Variants in MMP16 observed in about 807,000 individuals in gnomAD.
MMP16 encodes matrix metallopeptidase 16.
Under a neutral mutation model 67.8 loss-of-function variants are expected in MMP16, and 12 were observed. That is an observed-to-expected ratio of 0.18 (90% confidence interval 0.11 to 0.29). The LOEUF is 0.29. MMP16 is among the 10% of genes least tolerant of loss of function. The pLI, the probability that MMP16 is intolerant of heterozygous loss-of-function variation, is 1.00. For synonymous variants in MMP16, 249 were observed against 255.9 expected (o/e 0.97, Z 0.26); for missense variants, 475 against 765.7 (o/e 0.62, Z 4.48).
intron 4 of MMP16, among the ~76,000 whole-genome samples, chr8:88,146,877 T>C (rs1489278072): frequency 6.6e-6 from 1 of 151,968 alleles, no homozygotes; most frequent in Admixed American, 6.6e-5. Flanking sequence ...GTTTGAACAA[T>C]TTATACTCCA....
At chr8:88,154,757 A>T (rs1244398120) in intron 4 of MMP16, among the ~76,000 whole-genome samples, 2 of 149,008 alleles carry the variant, frequency 1.3e-5, no homozygotes, top group African/African-American at 5.0e-5. Flanking sequence ...TGGGAGATAT[A>T]CCTAAGGCTA....
intron 1 of MMP16, among the ~76,000 whole-genome samples, chr8:88,215,909 A>G (rs1809585156): frequency 6.6e-6 from 1 of 152,218 alleles, no homozygotes; most frequent in Admixed American, 6.5e-5. Flanking sequence ...AAGCAGCAGT[A>G]TAGGATCATC....
At chr8:88,149,063 C>G (rs955001199) in intron 4 of MMP16, among the ~76,000 whole-genome samples, 2 of 152,198 alleles carry the variant, frequency 1.3e-5, no homozygotes, top group African/African-American at 4.8e-5. Flanking sequence ...CGCAAGGGGT[C>G]AGGGAGTTCC....
At chr8:88,129,473 A>G (rs1223932410) in intron 4 of MMP16, among the ~76,000 whole-genome samples, 1 of 151,710 alleles carries the variant, frequency 6.6e-6, no homozygotes, top group African/African-American at 2.4e-5. Flanking sequence ...CAGCAAGTAT[A>G]GTAAAGAAGT....
At chr8:88,166,811 G>T (rs1263786557) in intron 4 of MMP16, among the ~76,000 whole-genome samples, 1 of 148,582 alleles carries the variant, frequency 6.7e-6, no homozygotes, top group African/African-American at 2.5e-5. Context: ...TGAGCTCAAG[G>T]GATCCCGTCT....
At chr8:88,175,906 C>T (rs7826066) in intron 3 of MMP16, among the ~76,000 whole-genome samples, 106,290 of 152,122 alleles carry the variant, frequency 0.7, 37,800 homozygotes, top group African/African-American at 0.75. Flanking sequence ...AGCTCTCTTG[C>T]CTGCTGCCAT....
At chr8:88,147,597 T>G (rs1213891026) in intron 4 of MMP16, among the ~76,000 whole-genome samples, 1 of 152,058 alleles carries the variant, frequency 6.6e-6, no homozygotes, top group Non-Finnish European at 1.5e-5. Context: ...TGGAAAGAGT[T>G]TTGCTGGGTA....
At chr8:88,060,526 TATCTC>T (rs2118237346) in intron 7 of MMP16, among the ~76,000 whole-genome samples, 1 of 152,258 alleles carries the variant, frequency 6.6e-6, no homozygotes, top group Non-Finnish European at 1.5e-5. Flanking sequence ...ACGGGTGTCT[TATCTC>T]ATCTACATTC....
intron 1 of MMP16, among the ~76,000 whole-genome samples, chr8:88,276,711 TG>T (rs925427172): frequency 5.9e-5 from 9 of 152,108 alleles, no homozygotes; most frequent in African/African-American, 2.2e-4. Flanking sequence ...CAATAGTGCT[TG>T]GGGGTTGATA....
intron 5 of MMP16, among the ~76,000 whole-genome samples, chr8:88,117,367 A>C (rs1809453534): frequency 6.6e-6 from 1 of 152,158 alleles, no homozygotes; most frequent in African/African-American, 2.4e-5. Context: ...TTCTAAATCA[A>C]GCCAAAGTTT....
intron 1 of MMP16, among the ~76,000 whole-genome samples, chr8:88,239,226 C>T (rs531248536): frequency 6.9e-5 from 9 of 129,584 alleles, no homozygotes; most frequent in Admixed American, 6.9e-4. Context: ...ACCCAGGAAA[C>T]GGAGGTTGCA....
intron 3 of MMP16, among the ~76,000 whole-genome samples, chr8:88,176,625 C>T (rs565061917): frequency 1.3e-5 from 2 of 152,278 alleles, no homozygotes; most frequent in African/African-American, 4.8e-5. Context: ...CTCATTGTTT[C>T]TCATACACAT....
chr8:88,141,796 A>G (rs1334162175), intron 4 of MMP16, among the ~76,000 whole-genome samples: 1 of 152,222 alleles, frequency 6.6e-6, no homozygotes, highest in Non-Finnish European at 1.5e-5. Flanking sequence ...TGCATTTCTG[A>G]AAAACAACAT....
intron 7 of MMP16, among the ~76,000 whole-genome samples, chr8:88,061,409 A>G (rs1319995391): frequency 1.3e-5 from 2 of 152,032 alleles, no homozygotes; most frequent in African/African-American, 2.4e-5. Flanking sequence ...TGCAGTTTCA[A>G]TGCCTCTCAT....
At chr8:88,261,136 A>T (rs994378677) in intron 1 of MMP16, among the ~76,000 whole-genome samples, 1 of 152,182 alleles carries the variant, frequency 6.6e-6, no homozygotes, top group Non-Finnish European at 1.5e-5. Flanking sequence ...TCCTAGCTTT[A>T]TCATGCAGAC....
chr8:88,289,182 C>T (rs758807235), intron 1 of MMP16, among the ~76,000 whole-genome samples: 5 of 151,786 alleles, frequency 3.3e-5, no homozygotes, highest in South Asian at 2.1e-4. Flanking sequence ...AGAGTGTGAG[C>T]GCGAGACTGC....
At chr8:88,084,427 A>G (rs1316446152) in intron 6 of MMP16, among the ~76,000 whole-genome samples, 2 of 151,878 alleles carry the variant, frequency 1.3e-5, no homozygotes, top group Non-Finnish European at 2.9e-5. Context: ...AGTTTATAAG[A>G]CTATAAACTT....
chr8:88,168,069 T>G, intron 3 of MMP16, 96 bp from the exon 4 acceptor site: 1 of 869,490 alleles, frequency 1.2e-6, no homozygotes, highest in East Asian at 2.7e-5. Context: ...TTAGAGAAAA[T>G]AGTCATATTA....
intron 1 of MMP16, among the ~76,000 whole-genome samples, chr8:88,201,367 AAT>A (rs1308862135): frequency 2.6e-5 from 4 of 152,030 alleles, no homozygotes; most frequent in African/African-American, 9.7e-5. Context: ...AAGTATAGTT[AAT>A]TTCCACCTAA....
Sources: allele counts gnomAD v4.1 joint callset (sites outside exome capture counted in the v4.1 genomes callset), GRCh38; gene constraint gnomAD v4.1.1; transcripts MANE v1.5; gene names NCBI Gene and HGNC (gene_info 2026-07-23, HGNC 2026-07-21).